BSDC1: variants seen among roughly 807,000 people sequenced by gnomAD.
BSDC1 encodes the protein BSD domain containing 1, also known as BSD domain-containing protein 1.
BSDC1 carries 29 observed loss-of-function variants against 56.0 expected under a neutral mutation model. The ratio of observed to expected loss-of-function variants is 0.52; its 90% confidence interval spans 0.39 to 0.71. The LOEUF (loss-of-function observed/expected upper bound fraction) is 0.71. Ranked by LOEUF, BSDC1 falls within the 30% of genes least tolerant of loss-of-function variation. The pLI, the probability that BSDC1 is intolerant of heterozygous loss-of-function variation, is 0.00. For synonymous variants in BSDC1, 210 were observed against 215.3 expected (o/e 0.98, Z 0.21); for missense variants, 477 against 548.5 (o/e 0.87, Z 1.30).
In BSDC1 at chr1:32,389,048, G is replaced by A. The variant is rs558873719; in HGVS notation, c.73-2153C>T. ...CTGCTCACTGCAACCTCTGCCTCCC[G>A]GGTTCATGCCATTCTCCTGCCTCAG... On this transcript the variant is annotated intron_variant, in intron 2 of 10. Coordinates refer to ENST00000455895, the MANE Select transcript of BSDC1 (RefSeq NM_018045.8). 4.0e-5 allele frequency among the ~76,000 whole-genome samples: 6 copies of A among 150,350 alleles called. No homozygotes were observed. In the East Asian group the frequency reaches 5.9e-4, roughly 15 times the overall value.
At position 32,376,356 on chromosome 1, in the gene BSDC1, T is replaced by C; in HGVS notation, c.1062A>G (p.Val354=). The C allele has an allele frequency of 6.2e-7, 1 of 1,613,014 alleles. No individual in the cohort carries two copies. Among genetic ancestry groups the C allele is most frequent in the South Asian group, 1.1e-5 (1 of 91,002 alleles). ...TGGGCGCCTCCTCCCTCAGAGTCTC[T>C]ACTCTGGCTGGAGGCCTGGGCTCTG... The part of the protein sequence containing the change: ...GGPEPRPPAR[V]ETLREEAPTD... The change falls in exon 9 of 11, where the codon GTA becomes GTG. Residue 354 remains valine, a synonymous_variant. Transcript: ENST00000455895.
At chr1:32,368,278 G>A (rs1641924518) in intron 10 of BSDC1, 169 bp downstream of exon 10, 3 of 1,554,812 alleles carry the variant, frequency 1.9e-6, no homozygotes, top group East Asian at 2.4e-5. Flanking sequence ...GCAGCCTGCT[G>A]ATGACCAATG....
At chr1:32,389,972 CAAA>C (rs386366640) in intron 2 of BSDC1, among the ~76,000 whole-genome samples, 21 of 73,088 alleles carry the variant, frequency 2.9e-4, no homozygotes, top group Admixed American at 6.8e-4. Flanking sequence ...GACCCTGTCT[CAAA>C]AAAAAAAAAA....
At chr1:32,393,986 G>C in intron 2 of BSDC1, 94 bp downstream of exon 2, 9 of 1,315,694 alleles carry the variant, frequency 6.8e-6, no homozygotes, top group Non-Finnish European at 9.6e-6. Context: ...TTGAGACTTA[G>C]CGCCCGCAAA....
intron 5 of BSDC1, among the ~76,000 whole-genome samples, chr1:32,380,802 T>C (rs958943829): frequency 1.3e-5 from 2 of 152,204 alleles, no homozygotes; most frequent in Non-Finnish European, 2.9e-5. Flanking sequence ...CTTTATTGAC[T>C]GTTTCTGCTT....
At chr1:32,387,855 T>C (rs1307270814) in intron 2 of BSDC1, among the ~76,000 whole-genome samples, 1 of 152,220 alleles carries the variant, frequency 6.6e-6, no homozygotes, top group East Asian at 1.9e-4. Flanking sequence ...TGTGATTTTT[T>C]ACATTCAACA....
chr1:32,371,435 T>C (rs948616976), intron 9 of BSDC1, among the ~76,000 whole-genome samples: 2 of 151,424 alleles, frequency 1.3e-5, no homozygotes, highest in African/African-American at 4.9e-5. Flanking sequence ...CTCAGCCTCC[T>C]GAGTAGCTGG....
chr1:32,373,103 T>C (rs868566863), intron 9 of BSDC1, among the ~76,000 whole-genome samples: 1 of 152,210 alleles, frequency 6.6e-6, no homozygotes, highest in Non-Finnish European at 1.5e-5. Context: ...ACCCTAGGAC[T>C]TGGGCCCAAC....
Position 32,394,375 on chromosome 1 carries a change from A to AACGCCTAG in BSDC1, c.11+21_11+28dup, listed in dbSNP as rs537740160. 136 of 1,613,942 alleles carry AACGCCTAG rather than the reference A, an allele frequency of 8.4e-5. 1 individual carries two copies. Among genetic ancestry groups the AACGCCTAG allele is most frequent in the South Asian group, 6.8e-4 (62 of 91,054 alleles). On this transcript the variant is annotated intron_variant, in intron 1 of 10. Coordinates refer to ENST00000455895, the MANE Select transcript of BSDC1 (RefSeq NM_018045.8). ...CCAACCCTGGGAGAATTCAGGCCCC[A>AACGCCTAG]ACGCCTAGGAGCAAAACGACAAGCT...
At chr1:32,377,400 T>C (rs1642330036) in intron 8 of BSDC1, among the ~76,000 whole-genome samples, 1 of 152,196 alleles carries the variant, frequency 6.6e-6, no homozygotes, top group African/African-American at 2.4e-5. Flanking sequence ...TACTCTTAAC[T>C]TACTTTTATC....
chr1:32,371,734 C>A (rs1305647856), intron 9 of BSDC1, among the ~76,000 whole-genome samples: 2 of 152,072 alleles, frequency 1.3e-5, no homozygotes, highest in African/African-American at 2.4e-5. Flanking sequence ...CGCGCTGAGA[C>A]CTACCCCTCA....
chr1:32,394,087 TTGAC>T lies in BSDC1; in HGVS notation c.61_64del (p.Val21LysfsTer11). On this transcript the variant is annotated frameshift_variant, in exon 2 of 11. Coordinates refer to ENST00000455895, the MANE Select transcript of BSDC1 (RefSeq NM_018045.8). LOFTEE classifies it high-confidence loss of function. ...GGCACGGGCCCGGCTTACCTTCTCTTTGACTGCTTGGTAGCTCTGCTGCAGCCAG... is the reference window on the plus strand; with the variant it reads ...GGCACGGGCCCGGCTTACCTTCTCTTTGCTTGGTAGCTCTGCTGCAGCCAG... The T allele has an allele frequency of 6.2e-7, 1 of 1,609,304 alleles. No homozygotes were observed. Among genetic ancestry groups the T allele is most frequent in the Non-Finnish European group, 8.5e-7 (1 of 1,178,174 alleles).
chr1:32,368,260 G>T, intron 10 of BSDC1, 187 bp downstream of exon 10: 1 of 1,521,418 alleles, frequency 6.6e-7, no homozygotes. Context: ...CTGGAACTGA[G>T]GAAAAGTGCA....
chr1:32,394,164 C>T, intron 1 of BSDC1, 24 bp from the exon 2 acceptor site: 1 of 1,603,712 alleles, frequency 6.2e-7, no homozygotes, highest in Non-Finnish European at 8.5e-7. Flanking sequence ...ACACATCTGG[C>T]AGCACCGCGG....
At chr1:32,386,481 CCTTTT>C in intron 3 of BSDC1, 1 of 302,690 alleles carries the variant, frequency 3.3e-6, no homozygotes, top group Non-Finnish European at 6.2e-6. Context: ...TCTCTCTCTT[CCTTTT>C]CTCATTCTTT....
In BSDC1 at chr1:32,367,216, C is replaced by T. The variant is rs558403877; in HGVS notation, c.1261-562G>A. ...CTAATTCCCAGCTCAAGTCTCCCCACGGAACGTTTTCTTGCTTTGTTCCTA... is the reference window on the plus strand; with the variant it reads ...CTAATTCCCAGCTCAAGTCTCCCCATGGAACGTTTTCTTGCTTTGTTCCTA... On this transcript the variant is annotated intron_variant, in intron 10 of 10. Coordinates refer to ENST00000455895, the MANE Select transcript of BSDC1 (RefSeq NM_018045.8). 77 of 985,534 alleles carry T rather than the reference C, an allele frequency of 7.8e-5. No homozygotes were observed. In the African/African-American group the frequency reaches 1.2e-3, roughly 15 times the overall value. 61.0% of individuals were successfully genotyped at this position (985,534 alleles called of 1,614,324 possible). A position where few individuals can be genotyped will look rare whatever the true frequency, so the allele number is the denominator to read the frequency against.
At chr1:32,394,026 C>T in intron 2 of BSDC1, 54 bp downstream of exon 2, 1 of 1,565,468 alleles carries the variant, frequency 6.4e-7, no homozygotes, top group Non-Finnish European at 8.7e-7. Context: ...GACCAGGTTG[C>T]ATTGAGGCGG....
In BSDC1 at chr1:32,386,907, C is replaced by T; in HGVS notation, c.73-12G>A. 6.2e-7 allele frequency: 1 copy of T among 1,608,498 alleles called. No individual in the cohort carries two copies. Among genetic ancestry groups the T allele is most frequent in the South Asian group, 1.1e-5 (1 of 90,900 alleles). On this transcript the variant is annotated splice_polypyrimidine_tract_variant and intron_variant, in intron 2 of 10. Transcript: ENST00000455895. ...AAGGCTTCAGAGGACTGTGGGAAGA[C>T]AGAGAGGGATGCCAGGGCCAGCTGG...
At chr1:32,370,696 CG>C (rs1327040272) in intron 9 of BSDC1, among the ~76,000 whole-genome samples, 1 of 148,916 alleles carries the variant, frequency 6.7e-6, no homozygotes, top group Non-Finnish European at 1.5e-5. Context: ...CCCAGCTACT[CG>C]GGAGGCTGAG....
Sources: gnomAD v4.1 joint callset for allele counts (sites outside exome capture counted in the v4.1 genomes callset) on GRCh38, gnomAD v4.1.1 for gene constraint, MANE v1.5 for transcripts, NCBI Gene and HGNC (gene_info 2026-07-23, HGNC 2026-07-21) for gene names.